Variants in MAML3 observed in about 807,000 individuals in gnomAD.
MAML3 encodes the protein mastermind like transcriptional coactivator 3, also known as mastermind-like protein 3.
MAML3 carries 27 observed loss-of-function variants against 101.9 expected under a neutral mutation model. That is an observed-to-expected ratio of 0.27 (90% CI 0.20 to 0.37). The LOEUF (loss-of-function observed/expected upper bound fraction) is 0.37. MAML3 is among the 10% of genes least tolerant of loss of function. The pLI is 1.00. For missense variants in MAML3, 1,316 were observed against 1,444.9 expected (o/e 0.91, Z 1.45); for synonymous variants, 501 against 555.9 (o/e 0.90, Z 1.39).
At chr4:139,866,035 T>C (rs1476448788) in intron 2 of MAML3, among the ~76,000 whole-genome samples, 1 of 152,122 alleles carries the variant, frequency 6.6e-6, no homozygotes, top group Non-Finnish European at 1.5e-5. Context: ...GTCCCACAAA[T>C]GTAGGAAGCT....
At chr4:139,917,303 A>T (rs1191157375) in intron 1 of MAML3, among the ~76,000 whole-genome samples, 2 of 152,190 alleles carry the variant, frequency 1.3e-5, no homozygotes, top group Admixed American at 1.3e-4. Flanking sequence ...GTTGCATTAA[A>T]TGTATGTATG....
At chr4:139,820,978 T>C (rs541129650) in intron 2 of MAML3, among the ~76,000 whole-genome samples, 99 of 152,336 alleles carry the variant, frequency 6.5e-4, no homozygotes, top group African/African-American at 2.4e-3. Flanking sequence ...TCTATATCCA[T>C]TTTTCATGTG....
chr4:139,789,363 C>T (rs909422560), intron 2 of MAML3, among the ~76,000 whole-genome samples: 8 of 152,154 alleles, frequency 5.3e-5, no homozygotes, highest in African/African-American at 1.9e-4. Flanking sequence ...GAAGTCTTCA[C>T]AAAGGGTGTT....
intron 1 of MAML3, among the ~76,000 whole-genome samples, chr4:140,073,808 C>G (rs893193406): frequency 2.6e-5 from 4 of 151,992 alleles, no homozygotes; most frequent in African/African-American, 9.7e-5. Context: ...AAACAGGAGG[C>G]CTGGTTTGGA....
chr4:139,832,636 C>T (rs1482034548), intron 2 of MAML3, among the ~76,000 whole-genome samples: 2 of 152,206 alleles, frequency 1.3e-5, no homozygotes, highest in African/African-American at 4.8e-5. Flanking sequence ...GACCCAACAA[C>T]AGGAATTGTG....
chr4:140,121,934 AC>A (rs1320650694), intron 1 of MAML3, among the ~76,000 whole-genome samples: 3 of 152,052 alleles, frequency 2.0e-5, no homozygotes, highest in African/African-American at 7.2e-5. Flanking sequence ...GTGAGTTCTC[AC>A]GAGATCTGAT....
intron 1 of MAML3, among the ~76,000 whole-genome samples, chr4:139,908,998 T>G (rs1363613472): frequency 2.6e-5 from 4 of 152,326 alleles, no homozygotes. Context: ...TGAATCACAT[T>G]TAGCAATTTC....
intron 2 of MAML3, among the ~76,000 whole-genome samples, chr4:139,781,877 A>G (rs1000220176): frequency 6.6e-6 from 1 of 152,150 alleles, no homozygotes; most frequent in Non-Finnish European, 1.5e-5. Context: ...AAGATGAGAA[A>G]ATCCCCATGT....
At chr4:139,876,421 G>A (rs1732115920) in intron 2 of MAML3, among the ~76,000 whole-genome samples, 1 of 152,140 alleles carries the variant, frequency 6.6e-6, no homozygotes, top group Non-Finnish European at 1.5e-5. Flanking sequence ...CTTGTCTCTG[G>A]ACTTTTTCTG....
At chr4:139,809,016 C>A (rs933539511) in intron 2 of MAML3, among the ~76,000 whole-genome samples, 4 of 152,122 alleles carry the variant, frequency 2.6e-5, no homozygotes, top group Non-Finnish European at 4.4e-5. Context: ...CTCTTTGGAG[C>A]CTGAGAGGCT....
chr4:140,045,458 G>T lies in MAML3; in HGVS notation c.468+107402C>A, dbSNP rs552614233. Among the ~76,000 whole-genome samples the T allele has an allele frequency of 2.7e-5, 4 of 147,112 alleles. No homozygotes were observed. In the East Asian group the frequency reaches 5.9e-4, roughly 22 times the overall value. ...TTCTAGTGCCTGTTTTTGTTTGTTTGTTTTTTTTAATATTGCAATCAATGT... is the reference window on the plus strand; with the variant it reads ...TTCTAGTGCCTGTTTTTGTTTGTTTTTTTTTTTTAATATTGCAATCAATGT... On this transcript the variant is annotated intron_variant, in intron 1 of 4. Coordinates refer to ENST00000509479, the MANE Select transcript of MAML3 (RefSeq NM_018717.5).
At chr4:140,053,432 G>A (rs1424577607) in intron 1 of MAML3, among the ~76,000 whole-genome samples, 1 of 152,092 alleles carries the variant, frequency 6.6e-6, no homozygotes, top group Non-Finnish European at 1.5e-5. Context: ...CTTTACACCA[G>A]TATTACTGCA....
intron 1 of MAML3, among the ~76,000 whole-genome samples, chr4:140,058,361 G>GGATTACA (rs1727388622): frequency 6.6e-6 from 1 of 151,814 alleles, no homozygotes. Context: ...CAATGTGCTA[G>GGATTACA]GATTACAGGC....
chr4:140,100,054 CG>C (rs1232882411), intron 1 of MAML3, among the ~76,000 whole-genome samples: 1 of 150,008 alleles, frequency 6.7e-6, no homozygotes, highest in Non-Finnish European at 1.5e-5. Flanking sequence ...GCCCCTTGAA[CG>C]ACCGCAGCCC....
At chr4:139,809,744 A>G (rs1352400798) in intron 2 of MAML3, among the ~76,000 whole-genome samples, 8 of 152,160 alleles carry the variant, frequency 5.3e-5, no homozygotes. Flanking sequence ...TTGGCTGGCC[A>G]TAACCCACCC....
At chr4:140,129,095 G>A (rs1486450840) in intron 1 of MAML3, among the ~76,000 whole-genome samples, 1 of 152,138 alleles carries the variant, frequency 6.6e-6, no homozygotes, top group Non-Finnish European at 1.5e-5. Flanking sequence ...GGGGGACTCA[G>A]TAGCCTCATC....
At chr4:140,112,689 T>C (rs1395453075) in intron 1 of MAML3, among the ~76,000 whole-genome samples, 1 of 152,184 alleles carries the variant, frequency 6.6e-6, no homozygotes, top group African/African-American at 2.4e-5. Context: ...CAGGGCCAAA[T>C]GTAGCAAAGA....
intron 1 of MAML3, among the ~76,000 whole-genome samples, chr4:140,150,014 T>C (rs947281266): frequency 3.4e-5 from 5 of 147,762 alleles, no homozygotes; most frequent in Admixed American, 6.8e-5. Flanking sequence ...ATTACATTCA[T>C]CACACTCATC....
At chr4:139,855,197 C>G (rs1243562151) in intron 2 of MAML3, among the ~76,000 whole-genome samples, 1 of 152,204 alleles carries the variant, frequency 6.6e-6, no homozygotes, top group Non-Finnish European at 1.5e-5. Context: ...TTAAGCAATT[C>G]TGTCCTCACT....
Sources: gnomAD v4.1 joint callset for allele counts (sites outside exome capture counted in the v4.1 genomes callset) on GRCh38, gnomAD v4.1.1 for gene constraint, MANE v1.5 for transcripts, NCBI Gene and HGNC (gene_info 2026-07-23, HGNC 2026-07-21) for gene names.